OCA2: variants seen among roughly 807,000 people sequenced by gnomAD.
OCA2 encodes P protein.
Under a neutral mutation model 100.2 loss-of-function variants are expected in OCA2, and 77 were observed. The ratio of observed to expected loss-of-function variants is 0.77; its 90% CI spans 0.64 to 0.93. OCA2 has a LOEUF of 0.93. Among genes scored for constraint, OCA2 ranks in the 40% least tolerant of loss-of-function variants. OCA2 has a pLI of 0.00. For synonymous variants in OCA2, 432 were observed against 439.2 expected, an observed-to-expected ratio of 0.98 and a Z score of 0.21; for missense variants, 1,062 against 1,089.1, an observed-to-expected ratio of 0.98 and a Z score of 0.35.
intron 7 of OCA2, among the ~76,000 whole-genome samples, chr15:28,017,079 A>C (rs1204624962): frequency 1.3e-5 from 2 of 149,448 alleles, no homozygotes; most frequent in African/African-American, 2.5e-5. Context: ...GCGGGGGGGG[A>C]CCCTCAATGG....
At chr15:28,026,153 T>C (rs2042741083) in intron 4 of OCA2, among the ~76,000 whole-genome samples, 1 of 152,230 alleles carries the variant, frequency 6.6e-6, no homozygotes. Flanking sequence ...TGATCACGCA[T>C]GGTACTTTTT....
intron 18 of OCA2, among the ~76,000 whole-genome samples, chr15:27,951,347 C>A (rs776913303): frequency 6.6e-6 from 1 of 152,240 alleles, no homozygotes; most frequent in Admixed American, 6.5e-5. Context: ...CTGCAGAGCA[C>A]CGGCCATTCG....
At position 27,803,269 on chromosome 15, in the gene OCA2, T is replaced by G. The variant is rs796779646; in HGVS notation, c.2432+41690A>C. Among the ~76,000 whole-genome samples the G allele has an allele frequency of 3.8e-4, 58 of 152,334 alleles. 1 individual carries two copies. The highest frequency in any genetic ancestry group is 1.3e-3 in the African/African-American group (56 of 41,564). On this transcript the variant is annotated intron_variant, in intron 23 of 23. Coordinates refer to ENST00000354638, the MANE Select transcript of OCA2 (RefSeq NM_000275.3). ...GAATTAAAAACAGGTCTTGAAGAGT[T>G]ATTTGTACACTCATCTTCATAGCAG...
chr15:27,753,377 C>T (rs1266454938), downstream of OCA2, among the ~76,000 whole-genome samples: 1 of 144,336 alleles, frequency 6.9e-6, no homozygotes, highest in Admixed American at 6.9e-5. Flanking sequence ...ATAGGAACCT[C>T]GGGGGAGGCT....
chr15:27,979,702 CTTT>C (rs765838477), intron 14 of OCA2, among the ~76,000 whole-genome samples: 1 of 141,478 alleles, frequency 7.1e-6, no homozygotes, highest in Non-Finnish European at 1.5e-5. Context: ...CATTAATATA[CTTT>C]TTTTTTTTTT....
At chr15:27,730,987 TTA>T in the OCA2 span, among the ~76,000 whole-genome samples, 51 of 151,820 alleles carry the variant, frequency 3.4e-4, no homozygotes, top group African/African-American at 1.2e-3. Flanking sequence ...AAAATTTTTT[TTA>T]TTTCTGAAAT....
chr15:27,861,031 G>T (rs2036110847), intron 21 of OCA2, among the ~76,000 whole-genome samples: 1 of 152,244 alleles, frequency 6.6e-6, no homozygotes, highest in African/African-American at 2.4e-5. Context: ...ACAAAAGGAA[G>T]AATTTGGAAT....
intron 9 of OCA2, among the ~76,000 whole-genome samples, chr15:27,997,457 T>G (rs1262968223): frequency 1.3e-5 from 2 of 150,974 alleles, no homozygotes; most frequent in Non-Finnish European, 3.0e-5. Context: ...TTGCTTGTTT[T>G]TCTCAGGTCT....
chr15:27,797,683 G>C (rs2033404270), intron 23 of OCA2, among the ~76,000 whole-genome samples: 1 of 152,210 alleles, frequency 6.6e-6, no homozygotes, highest in Admixed American at 6.5e-5. Context: ...GTAGTGTTTA[G>C]AATAAGATTA....
At chr15:27,764,203 G>C (rs2031075514) in intron 23 of OCA2, among the ~76,000 whole-genome samples, 1 of 151,698 alleles carries the variant, frequency 6.6e-6, no homozygotes, top group African/African-American at 2.4e-5. Flanking sequence ...ACAGAGGCAA[G>C]GAGAGGGGAA....
chr15:28,002,616 G>A (rs1370360821), intron 9 of OCA2, among the ~76,000 whole-genome samples: 1 of 152,106 alleles, frequency 6.6e-6, no homozygotes, highest in Non-Finnish European at 1.5e-5. Flanking sequence ...CAGGAGAGCC[G>A]GGTTCCTGTG....
At chr15:28,018,804 G>A (rs1221249010) in intron 6 of OCA2, among the ~76,000 whole-genome samples, 2 of 152,164 alleles carry the variant, frequency 1.3e-5, no homozygotes, top group African/African-American at 4.8e-5. Context: ...CCACACCAGG[G>A]AAAGGGTGCA....
the OCA2 span, among the ~76,000 whole-genome samples, chr15:27,746,937 G>C: frequency 1.3e-5 from 2 of 152,198 alleles, no homozygotes; most frequent in African/African-American, 4.8e-5. Flanking sequence ...CCTCCTGGCT[G>C]TAACAAGAAC....
At chr15:27,870,800 GAAAGAAAGAA>G (rs1222510975) in intron 21 of OCA2, among the ~76,000 whole-genome samples, 17 of 119,870 alleles carry the variant, frequency 1.4e-4, no homozygotes, top group African/African-American at 5.1e-4. Context: ...AAGAAAGAAA[GAAAGAAAGAA>G]AGAGAGAGAG....
At chr15:27,971,519 C>T (rs760856870) in intron 14 of OCA2, among the ~76,000 whole-genome samples, 6 of 152,118 alleles carry the variant, frequency 3.9e-5, no homozygotes, top group Non-Finnish European at 7.3e-5. Flanking sequence ...CTCATGCTTA[C>T]CCAAGGGAGG....
chr15:27,834,142 C>G lies in OCA2; in HGVS notation c.2432+10817G>C, dbSNP rs80058262. 1.3e-4 allele frequency among the ~76,000 whole-genome samples: 20 copies of G among 152,154 alleles called. 1 individual carries two copies. The highest frequency in any genetic ancestry group is 1.2e-3 in the Admixed American group (19 of 15,264). The stretch of plus-strand genomic sequence containing the variant: ...AGTTAAAACTGACAGCTCCACCATC[C>G]GTCCCCACACCAATCCTCAGGGAGA... On this transcript the variant is annotated intron_variant, in intron 23 of 23. Coordinates refer to ENST00000354638, the MANE Select transcript of OCA2 (RefSeq NM_000275.3).
intron 12 of OCA2, 44 bp from the exon 13 acceptor site, chr15:27,985,232 G>A (rs117886461): frequency 0.014 from 23,210 of 1,610,930 alleles, 219 homozygotes; most frequent in Middle Eastern, 0.02. Context: ...GAGTGAGCAG[G>A]CTCGTAGAAC....
intron 3 of OCA2, among the ~76,000 whole-genome samples, chr15:28,031,857 G>C (rs555451252): frequency 6.6e-6 from 1 of 152,260 alleles, no homozygotes; most frequent in African/African-American, 2.4e-5. Context: ...CTGTGCAGTT[G>C]CTGCAGGGTT....
chr15:28,092,168 G>T (rs1161534595), intron 1 of OCA2, among the ~76,000 whole-genome samples: 4 of 152,126 alleles, frequency 2.6e-5, no homozygotes, highest in African/African-American at 9.7e-5. Flanking sequence ...TTCAGAACAG[G>T]TAAATCCATA....
Sources: allele counts gnomAD v4.1 joint callset (sites outside exome capture counted in the v4.1 genomes callset), GRCh38; gene constraint gnomAD v4.1.1; transcripts MANE v1.5; gene names NCBI Gene and HGNC (gene_info 2026-07-23, HGNC 2026-07-21).